Variants in ZFPM1 observed in about 807,000 individuals in gnomAD.
ZFPM1 encodes zinc finger protein, FOG family member 1.
A neutral mutation model predicts 46.3 loss-of-function variants in ZFPM1; 28 were observed. That is an observed-to-expected ratio of 0.60 (90% CI 0.45 to 0.83). The LOEUF (loss-of-function observed/expected upper bound fraction) is 0.83, where lower values mean the gene tolerates loss of function less well. ZFPM1 is among the 40% of genes least tolerant of loss of function. The pLI is 0.00. For missense variants in ZFPM1, 1,878 were observed against 1,432.4 expected, an observed-to-expected ratio of 1.31 and a Z score of -5.02; for synonymous variants, 957 against 675.9, an observed-to-expected ratio of 1.42 and a Z score of -6.45.
chr16:88,512,889 G>A (rs957675156), intron 3 of ZFPM1: 3 of 152,262 alleles, frequency 2.0e-5, no homozygotes, highest in African/African-American at 7.2e-5. Context: ...GGTGCCCCTG[G>A]AGCCAGGCCT....
At chr16:88,452,671 C>A (rs1463472745), upstream of ZFPM1, among the ~76,000 whole-genome samples, 1 of 152,272 alleles carries the variant, frequency 6.6e-6, no homozygotes, top group African/African-American at 2.4e-5. Context: ...GTTGTCACTG[C>A]CCCCACCGCG....
In ZFPM1 at chr16:88,533,486, G is replaced by C; in HGVS notation, c.1528G>C (p.Gly510Arg). The C allele has an allele frequency of 7.1e-7, 1 of 1,403,306 alleles. No homozygotes were observed. The highest frequency in any genetic ancestry group is 1.5e-5 in the African/African-American group (1 of 64,786). The allele number at this position is 1,403,306 out of a possible 1,614,324, so 86.9% of individuals were successfully genotyped here. A position where few individuals can be genotyped will look rare whatever the true frequency, so the allele number is the denominator to read the frequency against. Residue 510 changes from glycine to arginine, a missense_variant, in exon 10 of 10, where the codon GGC (glycine) becomes CGC (arginine). By Grantham distance (125) the Gly-to-Arg change is moderately radical. Coordinates refer to ENST00000319555, the MANE Select transcript of ZFPM1 (RefSeq NM_153813.3). ...VKAELSSPTP[G>R]SSPVPGELGL... ...GGCCGAGCTGTCCAGCCCCACGCCG[G>C]GCTCCAGCCCGGTGCCCGGCGAGCT...
At chr16:88,457,189 G>A (rs992082205) in intron 1 of ZFPM1, among the ~76,000 whole-genome samples, 18 of 152,250 alleles carry the variant, frequency 1.2e-4, no homozygotes, top group African/African-American at 4.3e-4. Context: ...AGAGGGAGAT[G>A]GGGTGGTTTC....
chr16:88,516,062 C>G (rs1911275748), intron 4 of ZFPM1: 1 of 398,398 alleles, frequency 2.5e-6, no homozygotes, highest in African/African-American at 2.1e-5. Flanking sequence ...CCCATCCTCA[C>G]TTCCTCCTCC....
At chr16:88,470,433 G>A (rs542784134) in intron 1 of ZFPM1, among the ~76,000 whole-genome samples, 108 of 152,376 alleles carry the variant, frequency 7.1e-4, no homozygotes, top group Non-Finnish European at 1.1e-3. Context: ...GGGGTCTGAC[G>A]TGCTCTGTGG....
At chr16:88,458,870 G>C (rs955894964) in intron 1 of ZFPM1, among the ~76,000 whole-genome samples, 3 of 152,198 alleles carry the variant, frequency 2.0e-5, no homozygotes, top group African/African-American at 7.2e-5. Context: ...GGGGGTTCCA[G>C]AACCTGCAAA....
At position 88,514,428 on chromosome 16, in the gene ZFPM1, CG is replaced by C; in HGVS notation, c.313del (p.Ala105ProfsTer34). ...PVVQDGQRRI[R>X]ARLSLATGLS... ...GGTGCAGGATGGGCAGAGGCGCATACGGGCCCGACTCAGCCTCGCCACGGGC... is the reference window on the plus strand; with the variant it reads ...GGTGCAGGATGGGCAGAGGCGCATACGGCCCGACTCAGCCTCGCCACGGGC... On this transcript the variant is annotated frameshift_variant, in exon 4 of 10. Transcript: ENST00000319555. LOFTEE classifies it high-confidence loss of function. 1.3e-6 allele frequency: 2 copies of C among 1,559,908 alleles called. No individual in the cohort carries two copies. The highest frequency in any genetic ancestry group is 8.7e-7 in the Non-Finnish European group (1 of 1,152,354).
chr16:88,495,279 G>A (rs1909871652), intron 3 of ZFPM1, among the ~76,000 whole-genome samples: 1 of 152,210 alleles, frequency 6.6e-6, no homozygotes, highest in Non-Finnish European at 1.5e-5. Context: ...GGAAACAGGT[G>A]CAGGAAAAGG....
intron 1 of ZFPM1, among the ~76,000 whole-genome samples, chr16:88,458,813 C>T (rs900560679): frequency 3.9e-5 from 6 of 152,108 alleles, no homozygotes; most frequent in East Asian, 3.9e-4. Flanking sequence ...CTCCAGACCT[C>T]GTCTGCCACC....
At chr16:88,452,335 C>G (rs910562538), upstream of ZFPM1, among the ~76,000 whole-genome samples, 17 of 152,256 alleles carry the variant, frequency 1.1e-4, no homozygotes, top group Non-Finnish European at 2.1e-4. Context: ...GCCCACAAAC[C>G]TCGCTGACCT....
rs1291129434 is a variant in ZFPM1 at position 88,534,283 on chromosome 16, C to T, written c.2325C>T (p.Ser775=). The change falls in exon 10 of 10, where the codon AGC becomes AGT. Residue 775 remains serine (S), a synonymous_variant. Coordinates refer to ENST00000319555, the MANE Select transcript of ZFPM1 (RefSeq NM_153813.3). ...AGTCGCCGCGGCCCGGAAGCGGAAG[C>T]GGAAGCGGCCCCGGCCTCGCCCCTG... ...APESPRPGSG[S]GSGPGLAPAR... 2 of 1,163,610 alleles carry T rather than the reference C, an allele frequency of 1.7e-6. No homozygotes were observed. The highest frequency in any genetic ancestry group is 4.3e-5 in the East Asian group (1 of 23,486). 72.1% of individuals were successfully genotyped at this position (1,163,610 alleles called of 1,614,324 possible).
chr16:88,504,186 C>T (rs899637490), intron 3 of ZFPM1, among the ~76,000 whole-genome samples: 2 of 152,082 alleles, frequency 1.3e-5, no homozygotes, highest in Non-Finnish European at 2.9e-5. Context: ...GGGCCCTCAG[C>T]GGCATCCAGA....
At chr16:88,457,896 C>T (rs1016251760) in intron 1 of ZFPM1, among the ~76,000 whole-genome samples, 1 of 152,314 alleles carries the variant, frequency 6.6e-6, no homozygotes, top group South Asian at 2.1e-4. Flanking sequence ...GGAGTCCACG[C>T]CGTCACCCAG....
chr16:88,532,550 C>T (rs771826901), intron 7 of ZFPM1, 64 bp from the exon 8 acceptor site: 2 of 1,506,990 alleles, frequency 1.3e-6, no homozygotes, highest in Non-Finnish European at 9.0e-7. Flanking sequence ...AGTCGCCTTC[C>T]TCATCCCTGG....
In ZFPM1 at chr16:88,534,808, C is replaced by T. The variant is rs751190424; in HGVS notation, c.2850C>T (p.Pro950=). 8.2e-6 allele frequency: 12 copies of T among 1,470,874 alleles called. No homozygotes were observed. In the South Asian group the frequency reaches 1.1e-4, roughly 13 times the overall value. 91.1% of individuals were successfully genotyped at this position (1,470,874 alleles called of 1,614,324 possible). Residue 950 remains proline, a synonymous_variant, in exon 10 of 10, where the codon CCC becomes CCT. Coordinates refer to ENST00000319555, the MANE Select transcript of ZFPM1 (RefSeq NM_153813.3). ...CCGTGCCGCCCCCGCCGGCGCCCCC[C>T]TCCTACTCGGACAAGGGCGTCCAGA... ...PEAVPPPPAP[P]SYSDKGVQTP...
intron 3 of ZFPM1, among the ~76,000 whole-genome samples, chr16:88,495,492 G>A (rs1282545826): frequency 6.6e-6 from 1 of 152,254 alleles, no homozygotes; most frequent in Admixed American, 6.5e-5. Flanking sequence ...CTGTGCCAGT[G>A]CAGAGGAGGT....
At chr16:88,453,015 C>G (rs1377430758), upstream of ZFPM1, among the ~76,000 whole-genome samples, 6 of 151,542 alleles carry the variant, frequency 4.0e-5, no homozygotes, top group Non-Finnish European at 8.8e-5. Flanking sequence ...GCCTTGAAGG[C>G]CCAGACGGAC....
chr16:88,491,208 G>A (rs930994952), intron 3 of ZFPM1, among the ~76,000 whole-genome samples: 1 of 152,170 alleles, frequency 6.6e-6, no homozygotes, highest in East Asian at 1.9e-4. Context: ...GGGAGGGGCC[G>A]CCCTGACTGC....
chr16:88,496,958 G>A (rs1303877546), intron 3 of ZFPM1, among the ~76,000 whole-genome samples: 1 of 152,156 alleles, frequency 6.6e-6, no homozygotes, highest in African/African-American at 2.4e-5. Flanking sequence ...CTGGGACTTG[G>A]GCAGCGCTGC....
Sources: allele counts gnomAD v4.1 joint callset (sites outside exome capture counted in the v4.1 genomes callset), GRCh38; gene constraint gnomAD v4.1.1; transcripts MANE v1.5; gene names NCBI Gene and HGNC (gene_info 2026-07-23, HGNC 2026-07-21).